The following PHF14 variants were observed in gnomAD, a reference collection of about 807,000 sequenced individuals.
PHF14 encodes the protein PHD finger protein 14.
In PHF14, 55 loss-of-function variants were observed where a neutral mutation model predicts 117.9. That is an observed-to-expected ratio of 0.47 (90% CI 0.38 to 0.58). PHF14 has a LOEUF of 0.58. PHF14 is among the 20% of genes least tolerant of loss of function. PHF14 has a pLI of 0.00. For synonymous variants in PHF14, 409 were observed against 368.6 expected, an observed-to-expected ratio of 1.11 and a Z score of -1.26; for missense variants, 978 against 1,122.2, an observed-to-expected ratio of 0.87 and a Z score of 1.84.
intron 16 of PHF14, chr7:11,110,927 A>G (rs1171102272): frequency 1.3e-5 from 2 of 152,644 alleles, no homozygotes; most frequent in African/African-American, 4.8e-5. Flanking sequence ...TAAATAATCA[A>G]AATGTATTTT....
In PHF14 at chr7:11,023,109, T is replaced by C. The variant is rs1783790706; in HGVS notation, c.1317+130T>C. On this transcript the variant is annotated intron_variant, in intron 6 of 17. Coordinates refer to ENST00000634607, the MANE Select transcript of PHF14 (RefSeq NM_001007157.2). Reference sequence around the variant, plus strand: ...AATCATTCTATTTAGCACTAAATCATTTATTATTGATAGTAGTTTTCCTAG... The same window carrying C: ...AATCATTCTATTTAGCACTAAATCACTTATTATTGATAGTAGTTTTCCTAG... The C allele has an allele frequency of 7.7e-6, 4 of 517,680 alleles. No homozygotes were observed. The South Asian group carries it at 1.3e-4, about 17-fold the overall frequency. The allele number at this position is 517,680 out of a possible 1,614,324, so 32.1% of individuals were successfully genotyped here.
chr7:11,119,681 G>T (rs1787694405), intron 17 of PHF14, among the ~76,000 whole-genome samples: 2 of 151,822 alleles, frequency 1.3e-5, no homozygotes, highest in Non-Finnish European at 1.5e-5. Context: ...ATTTTAATTA[G>T]TTCATAATTT....
At chr7:11,028,534 G>A (rs894591828) in intron 6 of PHF14, 147 bp from the exon 7 acceptor site, 8 of 676,108 alleles carry the variant, frequency 1.2e-5, no homozygotes, top group Non-Finnish European at 1.7e-5. Context: ...CTCTTGGCTC[G>A]CCTATGATTA....
chr7:11,164,778 A>G (rs928261660), intron 17 of PHF14, among the ~76,000 whole-genome samples: 1 of 152,192 alleles, frequency 6.6e-6, no homozygotes, highest in African/African-American at 2.4e-5. Flanking sequence ...AGAGGCTGCT[A>G]CTACTCTAAG....
At chr7:11,003,564 G>C (rs1782958359) in intron 4 of PHF14, among the ~76,000 whole-genome samples, 1 of 152,078 alleles carries the variant, frequency 6.6e-6, no homozygotes, top group Non-Finnish European at 1.5e-5. Flanking sequence ...CTGTAGTGAA[G>C]GAAATGAACA....
chr7:11,063,444 T>C (rs1785309559), intron 16 of PHF14: 1 of 975,742 alleles, frequency 1.0e-6, no homozygotes, highest in South Asian at 4.7e-5. Flanking sequence ...CAATCTTATA[T>C]AATGAACAAA....
At chr7:11,036,778 T>G in intron 9 of PHF14, 90 bp downstream of exon 9, 1 of 1,196,060 alleles carries the variant, frequency 8.4e-7, no homozygotes, top group Non-Finnish European at 1.2e-6. Context: ...TAGAAATTTA[T>G]TAGCCATGCT....
intron 17 of PHF14, among the ~76,000 whole-genome samples, chr7:11,124,469 TATC>T (rs1480460297): frequency 6.6e-6 from 1 of 152,146 alleles, no homozygotes; most frequent in Non-Finnish European, 1.5e-5. Flanking sequence ...AATAAGAAAG[TATC>T]ATACTAATAA....
intron 17 of PHF14, among the ~76,000 whole-genome samples, chr7:11,154,233 A>G (rs1788781079): frequency 6.6e-6 from 1 of 152,152 alleles, no homozygotes; most frequent in South Asian, 2.1e-4. Flanking sequence ...CCATTTATGT[A>G]TACAGAGTTC....
intron 5 of PHF14, among the ~76,000 whole-genome samples, chr7:11,018,582 G>T (rs1046254399): frequency 1.3e-5 from 2 of 151,882 alleles, no homozygotes; most frequent in African/African-American, 4.8e-5. Context: ...CCTGATTTTT[G>T]TATGTTGCTT....
At position 11,130,368 on chromosome 7, in the gene PHF14, G is replaced by A. The variant is rs550055594; in HGVS notation, c.2772+18901G>A. ...ATTCAAGGAAATCCTTGGAGAGAGA[G>A]AGAACGTATATACAATTTATATGGG... On this transcript the variant is annotated intron_variant, in intron 17 of 17. Transcript: ENST00000634607. The surrounding 1 kb of genome is among the most constrained non-coding windows in gnomAD (Gnocchi z 4.2). Among the ~76,000 whole-genome samples the A allele has an allele frequency of 6.6e-6, 1 of 152,116 alleles. No individual in the cohort carries two copies.
At chr7:11,099,036 A>C (rs979552508) in intron 16 of PHF14, among the ~76,000 whole-genome samples, 1 of 152,182 alleles carries the variant, frequency 6.6e-6, no homozygotes, top group African/African-American at 2.4e-5. Context: ...AGTAAAAATC[A>C]GGGAAGAGAG....
intron 17 of PHF14, among the ~76,000 whole-genome samples, chr7:11,133,786 C>T (rs753482811): frequency 5.9e-4 from 90 of 152,156 alleles, no homozygotes; most frequent in Non-Finnish European, 1.0e-3. Context: ...GCACATATTA[C>T]ATCATAAAAC....
intron 6 of PHF14, among the ~76,000 whole-genome samples, chr7:11,028,295 A>G (rs1783994874): frequency 6.6e-6 from 1 of 152,198 alleles, no homozygotes; most frequent in Non-Finnish European, 1.5e-5. Flanking sequence ...GAAAGTGTGG[A>G]TTCTGCTGAG....
At chr7:10,985,228 C>T (rs1336462209) in intron 3 of PHF14, among the ~76,000 whole-genome samples, 1 of 152,084 alleles carries the variant, frequency 6.6e-6, no homozygotes, top group African/African-American at 2.4e-5. Context: ...ATGTTTGGGT[C>T]TTAATCTTCC....
At chr7:11,081,152 T>G (rs1378542504) in intron 16 of PHF14, among the ~76,000 whole-genome samples, 1 of 152,170 alleles carries the variant, frequency 6.6e-6, no homozygotes, top group East Asian at 1.9e-4. Context: ...GCAAGAAATG[T>G]GTCATTCTAG....
At chr7:11,053,502 T>G (rs919471701) in intron 14 of PHF14, among the ~76,000 whole-genome samples, 29 of 152,088 alleles carry the variant, frequency 1.9e-4, no homozygotes, top group African/African-American at 6.8e-4. Flanking sequence ...TAAAATATTT[T>G]CTATAATTGT....
intron 4 of PHF14, among the ~76,000 whole-genome samples, chr7:11,002,598 C>T (rs1314084768): frequency 5.3e-5 from 8 of 152,124 alleles, no homozygotes; most frequent in Admixed American, 1.3e-4. Flanking sequence ...TGCGCCACCA[C>T]GCCCAGCTAA....
intron 16 of PHF14, among the ~76,000 whole-genome samples, chr7:11,081,891 T>C (rs1326101578): frequency 6.6e-6 from 1 of 152,090 alleles, no homozygotes; most frequent in Non-Finnish European, 1.5e-5. Context: ...CTTAATTTTT[T>C]ATAAATATTT....
Sources: allele counts gnomAD v4.1 joint callset (sites outside exome capture counted in the v4.1 genomes callset), GRCh38; gene constraint gnomAD v4.1.1; non-coding constraint Gnocchi (gnomAD v3.1); transcripts MANE v1.5; gene names NCBI Gene and HGNC (gene_info 2026-07-23, HGNC 2026-07-21).